Variants in LSAMP observed in about 807,000 individuals in gnomAD.
LSAMP encodes limbic system associated membrane protein.
LSAMP carries 7 observed loss-of-function variants against 38.6 expected under a neutral mutation model. That is an observed-to-expected ratio of 0.18 (90% CI 0.10 to 0.34). The LOEUF is 0.34. Among genes scored for constraint, LSAMP ranks in the 10% least tolerant of loss-of-function variants. The probability of loss-of-function intolerance (pLI) is 1.00; values close to 1 mark genes in which losing one functional copy is unlikely to be tolerated. For synonymous variants in LSAMP, 154 were observed against 166.8 expected (o/e 0.92, Z 0.59); for missense variants, 313 against 420.0 (o/e 0.75, Z 2.23).
intron 1 of LSAMP, among the ~76,000 whole-genome samples, chr3:116,233,443 A>T: frequency 6.8e-6 from 1 of 147,848 alleles, no homozygotes; most frequent in African/African-American, 2.5e-5. Flanking sequence ...AAGATGGACT[A>T]GGTAATACTT....
At chr3:116,394,035 G>A (rs2048737392) in intron 1 of LSAMP, among the ~76,000 whole-genome samples, 1 of 152,176 alleles carries the variant, frequency 6.6e-6, no homozygotes, top group Non-Finnish European at 1.5e-5. Flanking sequence ...TCTAACTCCA[G>A]TATTAGTGTT....
intron 3 of LSAMP, among the ~76,000 whole-genome samples, chr3:115,962,318 G>A (rs188422749): frequency 6.6e-6 from 1 of 152,124 alleles, no homozygotes; most frequent in Non-Finnish European, 1.5e-5. Flanking sequence ...GCTTTCTCTA[G>A]AGGCAATGAG....
At chr3:116,002,679 T>A (rs1242840551) in intron 3 of LSAMP, among the ~76,000 whole-genome samples, 1 of 152,136 alleles carries the variant, frequency 6.6e-6, no homozygotes, top group African/African-American at 2.4e-5. Context: ...AGAAAGTACA[T>A]GCAAATGGAA....
chr3:115,853,324 T>C (rs1186197827), intron 3 of LSAMP, among the ~76,000 whole-genome samples: 1 of 152,204 alleles, frequency 6.6e-6, no homozygotes, highest in Non-Finnish European at 1.5e-5. Flanking sequence ...TTTTAGGCCA[T>C]GGGCCAGATC....
chr3:116,111,500 TA>T (rs1203961639), intron 1 of LSAMP, among the ~76,000 whole-genome samples: 2 of 152,232 alleles, frequency 1.3e-5, no homozygotes, highest in Non-Finnish European at 2.9e-5. Flanking sequence ...AATCACTTAA[TA>T]AATGTTAATT....
At chr3:115,924,110 A>G (rs1199847525) in intron 3 of LSAMP, among the ~76,000 whole-genome samples, 1 of 152,172 alleles carries the variant, frequency 6.6e-6, no homozygotes, top group Non-Finnish European at 1.5e-5. Context: ...AATTCACATT[A>G]GCAAAGATAC....
At chr3:116,285,962 A>G (rs541175580) in intron 1 of LSAMP, among the ~76,000 whole-genome samples, 2 of 152,286 alleles carry the variant, frequency 1.3e-5, no homozygotes, top group South Asian at 2.1e-4. Context: ...AAGAGAAAAC[A>G]GGCTTCATCT....
At chr3:116,163,885 C>A (rs909231398) in intron 1 of LSAMP, among the ~76,000 whole-genome samples, 1 of 151,448 alleles carries the variant, frequency 6.6e-6, no homozygotes, top group Non-Finnish European at 1.5e-5. Context: ...ACAAAAAAAA[C>A]GAATAAGATC....
At chr3:116,110,852 T>C (rs939605235) in intron 1 of LSAMP, among the ~76,000 whole-genome samples, 116 of 152,260 alleles carry the variant, frequency 7.6e-4, no homozygotes, top group African/African-American at 2.6e-3. Flanking sequence ...GTAAGCAACA[T>C]GGCTGTTTAT....
intron 1 of LSAMP, among the ~76,000 whole-genome samples, chr3:116,310,398 A>T (rs2047541406): frequency 6.6e-6 from 1 of 152,196 alleles, no homozygotes; most frequent in Non-Finnish European, 1.5e-5. Context: ...GCCGATTCTC[A>T]GTCAAGATGA....
At position 115,805,164 on chromosome 3, in the gene LSAMP, T is replaced by C. The variant is rs914755280; in HGVS notation, c.*5153A>G. On this transcript the variant is annotated 3_prime_UTR_variant, in exon 7 of 7. Coordinates refer to ENST00000490035, the MANE Select transcript of LSAMP (RefSeq NM_002338.5). ...ATATAGCCCTTAAAACCTTTCCCTCTATTTCCCTTGCTTTGGGGTCGGGTG... is the reference window on the plus strand; with the variant it reads ...ATATAGCCCTTAAAACCTTTCCCTCCATTTCCCTTGCTTTGGGGTCGGGTG... 6 of 152,166 alleles carry C rather than the reference T, an allele frequency of 3.9e-5. No homozygotes were observed. Among genetic ancestry groups the C allele is most frequent in the African/African-American group, 1.2e-4 (5 of 41,438 alleles). 9.4% of individuals were successfully genotyped at this position (152,166 alleles called of 1,614,324 possible).
At chr3:116,227,485 G>A (rs1167420313) in intron 1 of LSAMP, among the ~76,000 whole-genome samples, 1 of 152,146 alleles carries the variant, frequency 6.6e-6, no homozygotes, top group Non-Finnish European at 1.5e-5. Context: ...ACTAATATTT[G>A]TTAAATCAAT....
intron 3 of LSAMP, among the ~76,000 whole-genome samples, chr3:115,872,371 C>T (rs1159344747): frequency 6.6e-6 from 1 of 152,058 alleles, no homozygotes; most frequent in African/African-American, 2.4e-5. Flanking sequence ...TTTGGCTGCC[C>T]CATGTGCCAC....
intron 1 of LSAMP, among the ~76,000 whole-genome samples, chr3:116,283,087 CAGTA>C (rs1442447832): frequency 6.6e-6 from 1 of 151,958 alleles, no homozygotes; most frequent in Non-Finnish European, 1.5e-5. Context: ...GCAGCTGTAA[CAGTA>C]AGTAAGGTAA....
chr3:115,910,472 A>G (rs1436668606), intron 3 of LSAMP, among the ~76,000 whole-genome samples: 2 of 152,082 alleles, frequency 1.3e-5, no homozygotes, highest in Non-Finnish European at 2.9e-5. Context: ...AAATTTTTCT[A>G]TTTTGAGACA....
chr3:116,396,238 T>C (rs2048765530), intron 1 of LSAMP, among the ~76,000 whole-genome samples: 1 of 152,242 alleles, frequency 6.6e-6, no homozygotes, highest in Non-Finnish European at 1.5e-5. Flanking sequence ...AGTTTTCTTA[T>C]GCAATTCTAT....
At chr3:116,434,235 TG>T (rs2107877380) in intron 1 of LSAMP, among the ~76,000 whole-genome samples, 1 of 152,334 alleles carries the variant, frequency 6.6e-6, no homozygotes, top group East Asian at 1.9e-4. Context: ...TTAGTCAGCT[TG>T]ATTTATAGTA....
intron 1 of LSAMP, among the ~76,000 whole-genome samples, chr3:116,114,385 G>T (rs894737764): frequency 2.6e-5 from 4 of 152,132 alleles, no homozygotes; most frequent in Non-Finnish European, 1.5e-5. Flanking sequence ...GCAGTACATG[G>T]GTTGGAAGGA....
intron 1 of LSAMP, among the ~76,000 whole-genome samples, chr3:116,433,462 G>C (rs1263311732): frequency 6.6e-6 from 1 of 152,018 alleles, no homozygotes; most frequent in African/African-American, 2.4e-5. Flanking sequence ...TAATACCCTT[G>C]TACATTAGGG....
Sources: gnomAD v4.1 joint callset for allele counts (sites outside exome capture counted in the v4.1 genomes callset) on GRCh38, gnomAD v4.1.1 for gene constraint, MANE v1.5 for transcripts, NCBI Gene and HGNC (gene_info 2026-07-23, HGNC 2026-07-21) for gene names.